The following DLG2 variants were observed in gnomAD, a reference collection of about 807,000 sequenced individuals.
The protein encoded by DLG2 is discs large MAGUK scaffold protein 2.
A neutral mutation model predicts 132.5 loss-of-function variants in DLG2; 45 were observed. The observed-to-expected ratio is 0.34, with a 90% confidence interval of 0.27 to 0.44. DLG2 has a LOEUF of 0.44. Ranked by LOEUF, DLG2 falls within the 20% of genes least tolerant of loss-of-function variation. The probability of loss-of-function intolerance (pLI) is 1.00; values close to 1 mark genes in which losing one functional copy is unlikely to be tolerated. For synonymous variants in DLG2, 424 were observed against 419.6 expected (o/e 1.01, Z -0.13); for missense variants, 1,045 against 1,196.9 (o/e 0.87, Z 1.87).
intron 7 of DLG2, among the ~76,000 whole-genome samples, chr11:84,381,046 C>T (rs2098747511): frequency 6.6e-6 from 1 of 151,674 alleles, no homozygotes; most frequent in African/African-American, 2.4e-5. Flanking sequence ...AAAAGGGAGA[C>T]ATATCAAGAT....
chr11:85,076,103 T>G (rs1012024665), intron 6 of DLG2, among the ~76,000 whole-genome samples: 1 of 151,846 alleles, frequency 6.6e-6, no homozygotes, highest in Non-Finnish European at 1.5e-5. Flanking sequence ...AATAATGAAT[T>G]TTTACCATGT....
chr11:84,133,357 T>C (rs915407326), intron 9 of DLG2, among the ~76,000 whole-genome samples: 9 of 152,038 alleles, frequency 5.9e-5, no homozygotes, highest in African/African-American at 1.7e-4. Context: ...GTCACATGAC[T>C]TCTTAGGATA....
At chr11:84,672,076 T>C (rs191623001) in intron 6 of DLG2, among the ~76,000 whole-genome samples, 7 of 152,286 alleles carry the variant, frequency 4.6e-5, no homozygotes, top group East Asian at 1.9e-4. Flanking sequence ...AATTGTATTC[T>C]AGACCTGGCT....
intron 9 of DLG2, among the ~76,000 whole-genome samples, chr11:84,121,041 T>G (rs2093886544): frequency 6.6e-6 from 1 of 152,230 alleles, no homozygotes; most frequent in South Asian, 2.1e-4. Flanking sequence ...ATTCATTCAT[T>G]TATTCACTCA....
At chr11:85,599,517 TTAC>T (rs2080007445) in intron 2 of DLG2, among the ~76,000 whole-genome samples, 1 of 116,472 alleles carries the variant, frequency 8.6e-6, no homozygotes. Flanking sequence ...GACCCAGATC[TTAC>T]TTACTAGCTG....
At chr11:84,120,009 A>C (rs1330390529) in intron 9 of DLG2, among the ~76,000 whole-genome samples, 6 of 152,190 alleles carry the variant, frequency 3.9e-5, no homozygotes, top group African/African-American at 1.4e-4. Context: ...GGCTGGAAGG[A>C]GGGGACTAGG....
intron 6 of DLG2, among the ~76,000 whole-genome samples, chr11:84,652,128 C>A (rs1404157261): frequency 6.6e-6 from 1 of 152,086 alleles, no homozygotes; most frequent in African/African-American, 2.4e-5. Flanking sequence ...TATTTGAATA[C>A]ATGAAGAATG....
chr11:84,953,385 G>C (rs2051210273), intron 6 of DLG2, among the ~76,000 whole-genome samples: 1 of 152,104 alleles, frequency 6.6e-6, no homozygotes, highest in Admixed American at 6.6e-5. Flanking sequence ...AATTGTCTCA[G>C]CCTATAATAC....
At chr11:85,290,098 G>C (rs960350009) in intron 3 of DLG2, among the ~76,000 whole-genome samples, 2 of 152,024 alleles carry the variant, frequency 1.3e-5, no homozygotes, top group South Asian at 4.1e-4. Flanking sequence ...TCATTTACTT[G>C]TATTCCCTCT....
chr11:83,832,531 A>G (rs141194816), intron 17 of DLG2, among the ~76,000 whole-genome samples: 39 of 152,286 alleles, frequency 2.6e-4, no homozygotes, highest in African/African-American at 8.7e-4. Flanking sequence ...ACATGTTCTT[A>G]CTTATAAGTG....
chr11:85,249,292 G>T (rs995248583), intron 4 of DLG2, among the ~76,000 whole-genome samples: 7 of 151,878 alleles, frequency 4.6e-5, no homozygotes, highest in African/African-American at 1.4e-4. Flanking sequence ...TTAATGCTGA[G>T]AAACAGTTAC....
chr11:85,308,173 A>AATAAG (rs1565301643), intron 3 of DLG2, among the ~76,000 whole-genome samples: 38 of 141,162 alleles, frequency 2.7e-4, no homozygotes, highest in African/African-American at 9.6e-4. Flanking sequence ...AATAAAATAA[A>AATAAG]ATAAAATAAA....
rs78422756 is a variant in DLG2, at chr11:84,370,891, C to T, written c.520-119600G>A. 2.9e-3 allele frequency among the ~76,000 whole-genome samples: 438 copies of T among 152,222 alleles called. 14 individuals are homozygous for T. The East Asian group carries it at 0.067, about 23-fold the overall frequency. On this transcript the variant is annotated intron_variant, in intron 7 of 27. Coordinates refer to ENST00000376104, the MANE Select transcript of DLG2 (RefSeq NM_001142699.3). ...ACTAATAAAGACCACTATAATCGTA[C>T]ATGTGTGGGCAGGTGGTGGGAGGAG...
chr11:84,535,540 A>G (rs1295492843), intron 6 of DLG2, among the ~76,000 whole-genome samples: 1 of 152,172 alleles, frequency 6.6e-6, no homozygotes, highest in Non-Finnish European at 1.5e-5. Context: ...AAACAGATAT[A>G]AGGAAGTTGG....
In DLG2 at chr11:83,980,613, C is replaced by A; in HGVS notation, c.949G>T (p.Gly317Trp). ...TTGTCTCCAGGAATGTGTTGGTTCC[C>A]CACACCTCCTGCAATACTGAAGCCT... ...GLGFSIAGGV[G>W]NQHIPGDNSI... is the part of the protein sequence containing the mutation. Residue 317 changes from glycine (G) to tryptophan (W), a missense_variant, in exon 12 of 28, where the codon GGG becomes TGG. This residue lies in a region of DLG2 where 109 missense variants were observed against 159.1 expected (regional missense o/e 0.69). Transcript: ENST00000376104. The A allele has an allele frequency of 6.2e-7, 1 of 1,612,492 alleles. No individual in the cohort carries two copies.
intron 6 of DLG2, among the ~76,000 whole-genome samples, chr11:84,542,523 A>C (rs932610680): frequency 3.3e-5 from 5 of 152,182 alleles, no homozygotes; most frequent in African/African-American, 1.2e-4. Flanking sequence ...GTCAGGCTAG[A>C]ATGCTACATA....
At chr11:84,664,892 TCCTG>T (rs2099698335) in intron 6 of DLG2, among the ~76,000 whole-genome samples, 2 of 152,264 alleles carry the variant, frequency 1.3e-5, no homozygotes, top group South Asian at 4.1e-4. Context: ...AATTATACAT[TCCTG>T]CCTCATTGAT....
At chr11:83,863,007 T>C (rs1480163172) in intron 16 of DLG2, among the ~76,000 whole-genome samples, 2 of 152,160 alleles carry the variant, frequency 1.3e-5, no homozygotes, top group African/African-American at 4.8e-5. Context: ...AGGAGAAAAC[T>C]ACAGGCATTA....
At chr11:85,340,939 T>A (rs1206405869) in intron 3 of DLG2, among the ~76,000 whole-genome samples, 1 of 152,218 alleles carries the variant, frequency 6.6e-6, no homozygotes, top group Non-Finnish European at 1.5e-5. Context: ...CTTTTGTGTA[T>A]GATGTGAGAT....
Sources: gnomAD v4.1 joint callset for allele counts (sites outside exome capture counted in the v4.1 genomes callset) on GRCh38, gnomAD v4.1.1 for gene constraint, gnomAD v4.1.1 regional missense constraint, MANE v1.5 for transcripts, NCBI Gene and HGNC (gene_info 2026-07-23, HGNC 2026-07-21) for gene names.